The following KCNQ3 variants were observed in gnomAD, a reference collection of about 807,000 sequenced individuals.
The protein encoded by KCNQ3 is potassium voltage-gated channel subfamily Q member 3, also known as potassium voltage-gated channel subfamily KQT member 3.
In KCNQ3, 30 loss-of-function variants were observed where a neutral mutation model predicts 92.5. The observed-to-expected ratio is 0.32, with a 90% CI of 0.24 to 0.44. The LOEUF is 0.44. Among genes scored for constraint, KCNQ3 ranks in the 20% least tolerant of loss-of-function variants. The pLI, the probability that KCNQ3 is intolerant of heterozygous loss-of-function variation, is 1.00. For synonymous variants in KCNQ3, 450 were observed against 468.8 expected (o/e 0.96, Z 0.52); for missense variants, 913 against 1,140.3 (o/e 0.80, Z 2.87).
At chr8:132,460,907 C>T (rs141549295) in intron 1 of KCNQ3, among the ~76,000 whole-genome samples, 65 of 152,294 alleles carry the variant, frequency 4.3e-4, no homozygotes, top group African/African-American at 1.5e-3. Flanking sequence ...TATCTTCTAG[C>T]CCCTGACAAC....
Position 132,249,364 on chromosome 8 carries a change from G to A in KCNQ3, c.387-63183C>T, listed in dbSNP as rs575963301. 1.9e-4 allele frequency among the ~76,000 whole-genome samples: 29 copies of A among 152,226 alleles called. No individual in the cohort carries two copies. The East Asian group carries it at 1.9e-3, about 10-fold the overall frequency. ...GTTTTGACAGGGTGCTGATTGGTGC[G>A]TTTACAATCCCTGAGCTGGACACAA... On this transcript the variant is annotated intron_variant, in intron 1 of 14. Coordinates refer to ENST00000388996, the MANE Select transcript of KCNQ3 (RefSeq NM_004519.4).
intron 1 of KCNQ3, among the ~76,000 whole-genome samples, chr8:132,399,320 CA>C (rs1486627815): frequency 6.6e-6 from 1 of 152,126 alleles, no homozygotes; most frequent in Non-Finnish European, 1.5e-5. Flanking sequence ...ATCATTTTTG[CA>C]GCTCTCACAG....
intron 10 of KCNQ3, 102 bp downstream of exon 10, chr8:132,141,027 G>A: frequency 9.6e-7 from 1 of 1,038,234 alleles, no homozygotes; most frequent in South Asian, 1.3e-5. Flanking sequence ...TTACCTTGTG[G>A]AGTCAAAGGT....
intron 1 of KCNQ3, among the ~76,000 whole-genome samples, chr8:132,297,717 T>C (rs1817088596): frequency 6.6e-6 from 1 of 152,166 alleles, no homozygotes; most frequent in Non-Finnish European, 1.5e-5. Context: ...ACATGACAAG[T>C]CCACTGTGGA....
At chr8:132,445,928 A>G (rs1164330233) in intron 1 of KCNQ3, among the ~76,000 whole-genome samples, 1 of 152,108 alleles carries the variant, frequency 6.6e-6, no homozygotes, top group Non-Finnish European at 1.5e-5. Flanking sequence ...TGCCTATTAA[A>G]CACTTTATAA....
chr8:132,141,426 G>T, intron 9 of KCNQ3, 95 bp from the exon 10 acceptor site: 1 of 1,044,258 alleles, frequency 9.6e-7, no homozygotes, highest in Non-Finnish European at 1.5e-6. Flanking sequence ...TCTCCTCCAA[G>T]GAGAAATGGG....
chr8:132,368,898 A>C (rs546101849), intron 1 of KCNQ3, among the ~76,000 whole-genome samples: 2 of 138,114 alleles, frequency 1.4e-5, no homozygotes, highest in Non-Finnish European at 3.1e-5. Flanking sequence ...AGATTTCACC[A>C]GTTTTTCCTT....
intron 1 of KCNQ3, among the ~76,000 whole-genome samples, chr8:132,401,731 C>T (rs148516365): frequency 3.2e-4 from 48 of 152,318 alleles, no homozygotes; most frequent in African/African-American, 1.1e-3. Context: ...ATGAAAGAAT[C>T]TCCTTTGACA....
chr8:132,332,946 T>C (rs891219291), intron 1 of KCNQ3, among the ~76,000 whole-genome samples: 1 of 152,168 alleles, frequency 6.6e-6, no homozygotes, highest in Non-Finnish European at 1.5e-5. Flanking sequence ...GCACCTTGAG[T>C]TCTGGGAAGG....
chr8:132,176,795 T>C (rs1826571361), intron 4 of KCNQ3, among the ~76,000 whole-genome samples: 1 of 152,244 alleles, frequency 6.6e-6, no homozygotes, highest in Admixed American at 6.5e-5. Context: ...CTGTGGTTCC[T>C]TTATTCCCTC....
chr8:132,476,106 G>A (rs1437291628), intron 1 of KCNQ3, among the ~76,000 whole-genome samples: 5 of 152,266 alleles, frequency 3.3e-5, no homozygotes, highest in Non-Finnish European at 7.3e-5. Context: ...TGTTGGGCCT[G>A]TGGGTGCACA....
chr8:132,322,082 G>A (rs777870895), intron 1 of KCNQ3, among the ~76,000 whole-genome samples: 32 of 152,292 alleles, frequency 2.1e-4, no homozygotes, highest in African/African-American at 6.0e-4. Context: ...GAAGAGGGGC[G>A]GAGAGAGATA....
Position 132,184,313 on chromosome 8 carries a change from C to A in KCNQ3, c.532G>T (p.Ala178Ser). Residue 178 changes from alanine to serine, a missense_variant, in exon 3 of 15, where the codon GCT becomes TCT. Transcript: ENST00000388996. ...CCTTTGTATCGGCAGCAACATCCAG[C>A]AGCCCAGATCCTCAAAGCAAACTCG... ...GAEFALRIWAAGCCCRYKGWR... is the reference protein window; with the variant it reads ...GAEFALRIWASGCCCRYKGWR... 6.2e-7 allele frequency: 1 copy of A among 1,614,194 alleles called. No homozygotes were observed. The highest frequency in any genetic ancestry group is 1.7e-5 in the Admixed American group (1 of 60,026).
chr8:132,461,074 A>T (rs1822048992), intron 1 of KCNQ3, among the ~76,000 whole-genome samples: 1 of 152,140 alleles, frequency 6.6e-6, no homozygotes, highest in Non-Finnish European at 1.5e-5. Context: ...TTAATATCTC[A>T]TTTCTTTTTA....
At chr8:132,388,953 T>C (rs1440912307) in intron 1 of KCNQ3, among the ~76,000 whole-genome samples, 15 of 152,176 alleles carry the variant, frequency 9.9e-5, no homozygotes. Context: ...AGCAGATTCT[T>C]AAAAAACATT....
intron 1 of KCNQ3, among the ~76,000 whole-genome samples, chr8:132,474,207 T>C (rs1244255585): frequency 1.3e-5 from 2 of 152,222 alleles, no homozygotes; most frequent in Non-Finnish European, 2.9e-5. Context: ...AGGAGATCCC[T>C]ATTCAGAATT....
At chr8:132,306,263 C>T (rs1038482346) in intron 1 of KCNQ3, among the ~76,000 whole-genome samples, 1 of 152,172 alleles carries the variant, frequency 6.6e-6, no homozygotes, top group Non-Finnish European at 1.5e-5. Flanking sequence ...TATGTTTTTG[C>T]TTTCTTCTCT....
At chr8:132,298,900 C>G (rs1029967276) in intron 1 of KCNQ3, among the ~76,000 whole-genome samples, 1 of 152,014 alleles carries the variant, frequency 6.6e-6, no homozygotes, top group Non-Finnish European at 1.5e-5. Context: ...AAGAGTGAAA[C>G]CCCATCTCAG....
rs138065538 is a variant in KCNQ3, at chr8:132,228,863, T to C, written c.387-42682A>G. On this transcript the variant is annotated intron_variant, in intron 1 of 14. Coordinates refer to ENST00000388996, the MANE Select transcript of KCNQ3 (RefSeq NM_004519.4). ...GCTTAAAGAGCTTCATGCATTGTGT[T>C]AGTGAGTTGAGCATTTATCTTGCAG... Among the ~76,000 whole-genome samples, 460 of 152,178 alleles carry C rather than the reference T, an allele frequency of 3.0e-3. 1 individual carries two copies. Among genetic ancestry groups the C allele is most frequent in the Non-Finnish European group, 4.7e-3 (323 of 68,006 alleles).
Sources: gnomAD v4.1 joint callset for allele counts (sites outside exome capture counted in the v4.1 genomes callset) on GRCh38, gnomAD v4.1.1 for gene constraint, MANE v1.5 for transcripts, NCBI Gene and HGNC (gene_info 2026-07-23, HGNC 2026-07-21) for gene names.